Variants in ZNF142 observed in about 807,000 individuals in gnomAD.
The protein encoded by ZNF142 is zinc finger protein 142, also known as zinc finger protein 142 (clone pHZ-49).
A neutral mutation model predicts 132.1 loss-of-function variants in ZNF142; 96 were observed. The ratio of observed to expected loss-of-function variants is 0.73; its 90% CI spans 0.62 to 0.86. ZNF142 has a LOEUF of 0.86. Ranked by LOEUF, ZNF142 falls within the 40% of genes least tolerant of loss-of-function variation. The pLI, the probability that ZNF142 is intolerant of heterozygous loss-of-function variation, is 0.00. For synonymous variants in ZNF142, 842 were observed against 890.1 expected (o/e 0.95, Z 0.96); for missense variants, 2,163 against 2,336.2 (o/e 0.93, Z 1.53).
chr2:218,649,547 A>ATTTGCTC, intron 6 of ZNF142, 88 bp from the exon 7 acceptor site: 1 of 1,251,116 alleles, frequency 8.0e-7, no homozygotes, highest in Non-Finnish European at 1.1e-6. Context: ...CTCAGACACA[A>ATTTGCTC]ACGATGTGTG....
Position 218,638,326 on chromosome 2 carries a change from G to C in ZNF142, c.*13C>G. ...ACCATACCCTCTTCCTATACAGGAGGTGGGGCAGGCTTTCAGCCCTCAGGT... is the reference window on the plus strand; with the variant it reads ...ACCATACCCTCTTCCTATACAGGAGCTGGGGCAGGCTTTCAGCCCTCAGGT... On this transcript the variant is annotated 3_prime_UTR_variant, in exon 11 of 11. Transcript: ENST00000411696. The C allele has an allele frequency of 6.6e-7, 1 of 1,506,742 alleles. No homozygotes were observed. The highest frequency in any genetic ancestry group is 8.9e-7 in the Non-Finnish European group (1 of 1,128,030). 93.3% of individuals were successfully genotyped at this position (1,506,742 alleles called of 1,614,324 possible).
rs1396999467 is a variant in ZNF142, at chr2:218,634,878, TCA to T, written c.*3459_*3460del. 6.6e-6 allele frequency among the ~76,000 whole-genome samples: 1 copy of T among 152,198 alleles called. No homozygotes were observed. The highest frequency in any genetic ancestry group is 1.5e-5 in the Non-Finnish European group (1 of 68,028). On this transcript the variant is annotated 3_prime_UTR_variant, in exon 11 of 11. Coordinates refer to ENST00000411696, the MANE Select transcript of ZNF142 (RefSeq NM_001379659.1). This position sits in a 1 kb window ranked among gnomAD's most constrained non-coding sequence, Gnocchi z 4.0. The stretch of plus-strand genomic sequence containing the variant: ...AATAGGGGTAACACTACCACCTGCC[TCA>T]CAGGGTTATAAGGAGTATAACAGTT...
intron 3 of ZNF142, among the ~76,000 whole-genome samples, chr2:218,658,045 T>C (rs1390773386): frequency 2.6e-5 from 4 of 151,476 alleles, no homozygotes; most frequent in Admixed American, 2.0e-4. Context: ...CGTAACACAT[T>C]TGGAGAAATT....
At position 218,648,606 on chromosome 2, in the gene ZNF142, CATT is replaced by C. The variant is rs753943461; in HGVS notation, c.1873+26_1873+28del. On this transcript the variant is annotated intron_variant, in intron 7 of 10. Transcript: ENST00000411696. ...AGTATCACCACCATCATTATTACAA[CATT>C]ATTTTAAGGATGGAAACCATCCTAC... is the stretch of plus-strand genomic sequence containing the variant. 10 of 1,594,360 alleles carry C rather than the reference CATT, an allele frequency of 6.3e-6. No individual in the cohort carries two copies. The Admixed American group carries it at 6.8e-5, about 11-fold the overall frequency.
Position 218,638,770 on chromosome 2 carries a change from T to G in ZNF142, c.5233A>C (p.Thr1745Pro), listed in dbSNP as rs755179692. 1.2e-6 allele frequency: 2 copies of G among 1,608,382 alleles called. No individual in the cohort carries two copies. Among genetic ancestry groups the G allele is most frequent in the South Asian group, 2.2e-5 (2 of 91,030 alleles). ...ACACGCAGTGCATCAGCCCGGTTGG[T>G]GCAGTACTCACACTCGGGACACTGG... ...PYQCPECEYC[T>P]NRADALRVHQ... is the part of the protein sequence containing the mutation. Residue 1745 changes from threonine to proline, a missense_variant, in exon 11 of 11, where the codon ACC becomes CCC. Thr to Pro is a conservative substitution (Grantham distance 38). This residue lies in a region of ZNF142 where 325 missense variants were observed against 367.8 expected (regional missense o/e 0.88). Transcript: ENST00000411696.
Position 218,638,529 on chromosome 2 carries a change from A to T in ZNF142, c.5474T>A (p.Leu1825His). ...CTTTTGCTTGGCCTTGTAGTTGCAG[A>T]GGCGGCAAAAGAAGGGGTGGCGGTC... ...HTDRHPFFCR[L>H]CNYKAKQKFQ... Residue 1825 changes from leucine (L) to histidine (H), a missense_variant, in exon 11 of 11, where the codon CTC becomes CAC. Transcript: ENST00000411696. 9 of 1,610,034 alleles carry T rather than the reference A, an allele frequency of 5.6e-6. No homozygotes were observed. The highest frequency in any genetic ancestry group is 7.6e-6 in the Non-Finnish European group (9 of 1,177,068).
Position 218,634,189 on chromosome 2 carries a change from C to T in ZNF142, c.*4150G>A, listed in dbSNP as rs1400541028. The T allele has an allele frequency of 6.2e-7, 1 of 1,611,832 alleles. No individual in the cohort carries two copies. Among genetic ancestry groups the T allele is most frequent in the South Asian group, 1.1e-5 (1 of 90,508 alleles). ...AGGACAGACTCTTCCAACTACAACC[C>T]CCAGGAACTCTGGAATGCAGGCTGC... On this transcript the variant is annotated 3_prime_UTR_variant, in exon 11 of 11. Transcript: ENST00000411696. The surrounding 1 kb of genome is among the most constrained non-coding windows in gnomAD (Gnocchi z 4.0).
At position 218,648,676 on chromosome 2, in the gene ZNF142, G is replaced by A; in HGVS notation, c.1832C>T (p.Ala611Val). The A allele has an allele frequency of 2.5e-6, 4 of 1,614,218 alleles. No individual in the cohort carries two copies. The highest frequency in any genetic ancestry group is 3.4e-6 in the Non-Finnish European group (4 of 1,180,030). ...HQCPECNFAT[A>V]HKRVLIRHML... is the part of the protein sequence containing the mutation. Reference sequence around the variant, plus strand: ...GTGTCGGATGAGCACCCTCTTGTGGGCAGTGGCAAAGTTGCACTCAGGACA... The same window carrying A: ...GTGTCGGATGAGCACCCTCTTGTGGACAGTGGCAAAGTTGCACTCAGGACA... The change falls in exon 7 of 11, where the codon GCC becomes GTC. Residue 611 changes from alanine (A) to valine (V), a missense_variant. Around this residue, in one of 7 missense-constraint regions of ZNF142, gnomAD observed 749 missense variants for 830.3 expected, o/e 0.90. Coordinates refer to ENST00000411696, the MANE Select transcript of ZNF142 (RefSeq NM_001379659.1).
In ZNF142 at chr2:218,644,444, C is replaced by T. The variant is rs551014330; in HGVS notation, c.2672G>A (p.Gly891Asp). The change falls in exon 9 of 11, where the codon GGC becomes GAC. Residue 891 changes from glycine (G) to aspartate (D), a missense_variant. By Grantham distance (94) the Gly-to-Asp change is moderately conservative. Around this residue, in one of 7 missense-constraint regions of ZNF142, gnomAD observed 749 missense variants for 830.3 expected, o/e 0.90. Transcript: ENST00000411696. This position sits in a 1 kb window ranked among gnomAD's most constrained non-coding sequence, Gnocchi z 4.6. ...GGCCTCTAGGTGTAGTGTGCAGCTG[C>T]CCTCCTCCACCTCTGCTGGGCTGGG... ...GSPSPAEVEE[G>D]SCTLHLEALG... The T allele has an allele frequency of 3.7e-6, 6 of 1,614,024 alleles. No homozygotes were observed. The highest frequency in any genetic ancestry group is 1.3e-5 in the African/African-American group (1 of 75,026).
At chr2:218,646,126 C>A (rs1194130847) in intron 8 of ZNF142, 45 bp downstream of exon 8, 7 of 1,590,170 alleles carry the variant, frequency 4.4e-6, no homozygotes, top group Non-Finnish European at 6.0e-6. Flanking sequence ...GCTAGCTTGG[C>A]TAAGATTCTT....
intron 7 of ZNF142, among the ~76,000 whole-genome samples, chr2:218,647,123 T>C (rs1697799214): frequency 6.6e-6 from 1 of 151,634 alleles, no homozygotes; most frequent in South Asian, 2.1e-4. Flanking sequence ...GAGCACTTTG[T>C]AAAAAAATTC....
chr2:218,636,050 G>T lies in ZNF142; in HGVS notation c.*2289C>A. 6.7e-7 allele frequency: 1 copy of T among 1,500,808 alleles called. No homozygotes were observed. 93.0% of individuals were successfully genotyped at this position (1,500,808 alleles called of 1,614,324 possible). On this transcript the variant is annotated 3_prime_UTR_variant, in exon 11 of 11. Coordinates refer to ENST00000411696, the MANE Select transcript of ZNF142 (RefSeq NM_001379659.1). ...ATGTCCCCACATGGGAGGCAGTGTGGAACAGTACAAAGAATCCTGGCTCTT... is the reference window on the plus strand; with the variant it reads ...ATGTCCCCACATGGGAGGCAGTGTGTAACAGTACAAAGAATCCTGGCTCTT...
rs1697632248 is a variant in ZNF142, at chr2:218,645,196, T to C, written c.2052-132A>G. 6 of 1,145,572 alleles carry C rather than the reference T, an allele frequency of 5.2e-6. No homozygotes were observed. In the South Asian group the frequency reaches 6.2e-5, roughly 12 times the overall value. 71.0% of individuals were successfully genotyped at this position (1,145,572 alleles called of 1,614,324 possible). On this transcript the variant is annotated intron_variant, in intron 8 of 10. Transcript: ENST00000411696. ...ATGTGTCACCTGATGTAACCCTCCT[T>C]TTCACTACCCTATGAAACTGGTATC...
chr2:218,636,848 C>G lies in ZNF142; in HGVS notation c.*1491G>C. On this transcript the variant is annotated 3_prime_UTR_variant, in exon 11 of 11. Transcript: ENST00000411696. Reference sequence around the variant, plus strand: ...ACTCTATACTGGAGTTCCCTTCTTCCTCTTGCTGTAGGCTCAATCCCATAC... The same window carrying G: ...ACTCTATACTGGAGTTCCCTTCTTCGTCTTGCTGTAGGCTCAATCCCATAC... 1.9e-6 allele frequency: 1 copy of G among 532,972 alleles called. No homozygotes were observed. Among genetic ancestry groups the G allele is most frequent in the Admixed American group, 2.2e-5 (1 of 44,772 alleles). 33.0% of individuals were successfully genotyped at this position (532,972 alleles called of 1,614,324 possible).
In ZNF142 at chr2:218,635,895, A is replaced by G; in HGVS notation, c.*2444T>C. 3 of 1,613,972 alleles carry G rather than the reference A, an allele frequency of 1.9e-6. No homozygotes were observed. Among genetic ancestry groups the G allele is most frequent in the Non-Finnish European group, 2.5e-6 (3 of 1,179,890 alleles). ...GCAGATCTTTGGCGTTCGTCTAGAC[A>G]CAGCACGGCAGGAGACCAACTATGT... On this transcript the variant is annotated 3_prime_UTR_variant, in exon 11 of 11. Coordinates refer to ENST00000411696, the MANE Select transcript of ZNF142 (RefSeq NM_001379659.1).
In ZNF142 at chr2:218,643,261, C is replaced by T. The variant is rs1439133613; in HGVS notation, c.3855G>A (p.Glu1285=). Residue 1285 remains glutamate (E), a synonymous_variant, in exon 9 of 11, where the codon GAG becomes GAA. Transcript: ENST00000411696. Reference sequence around the variant, plus strand: ...CTGTATCCCCATCACCAGAGCTGGACTCTGTACTCCCATTCTTCGGGGGAG... The same window carrying T: ...CTGTATCCCCATCACCAGAGCTGGATTCTGTACTCCCATTCTTCGGGGGAG... ...DSAPPKNGST[E]SSSGDGDTVL... is the part of the protein sequence containing the mutation. 1.2e-6 allele frequency: 2 copies of T among 1,614,226 alleles called. No homozygotes were observed. The highest frequency in any genetic ancestry group is 1.3e-5 in the African/African-American group (1 of 75,064).
chr2:218,644,438 C>T lies in ZNF142; in HGVS notation c.2678G>A (p.Cys893Tyr). 1 of 1,614,064 alleles carries T rather than the reference C, an allele frequency of 6.2e-7. No homozygotes were observed. The highest frequency in any genetic ancestry group is 8.5e-7 in the Non-Finnish European group (1 of 1,180,010). Residue 893 changes from cysteine (C) to tyrosine (Y), a missense_variant, in exon 9 of 11, where the codon TGC becomes TAC. Cys to Tyr is a radical substitution (Grantham distance 194). Transcript: ENST00000411696. The surrounding 1 kb of genome is among the most constrained non-coding windows in gnomAD (Gnocchi z 4.6). Reference protein sequence around the residue: ...PSPAEVEEGSCTLHLEALGVE... With the variant: ...PSPAEVEEGSYTLHLEALGVE... Reference sequence around the variant, plus strand: ...TCCCAGGGCCTCTAGGTGTAGTGTGCAGCTGCCCTCCTCCACCTCTGCTGG... The same window carrying T: ...TCCCAGGGCCTCTAGGTGTAGTGTGTAGCTGCCCTCCTCCACCTCTGCTGG...
Position 218,635,259 on chromosome 2 carries a change from G to A in ZNF142, c.*3080C>T, listed in dbSNP as rs1183185017. On this transcript the variant is annotated 3_prime_UTR_variant, in exon 11 of 11. Coordinates refer to ENST00000411696, the MANE Select transcript of ZNF142 (RefSeq NM_001379659.1). Reference sequence around the variant, plus strand: ...TTCCAGCTTGGTCAAGAGTATGATCGTGTCTCTTTGAAAAAAAAAAAGTGG... The same window carrying A: ...TTCCAGCTTGGTCAAGAGTATGATCATGTCTCTTTGAAAAAAAAAAAGTGG... Among the ~76,000 whole-genome samples the A allele has an allele frequency of 2.0e-5, 3 of 151,374 alleles. No individual in the cohort carries two copies. The highest frequency in any genetic ancestry group is 4.9e-5 in the African/African-American group (2 of 41,168).
chr2:218,640,949 T>A (rs1287950592), intron 9 of ZNF142, among the ~76,000 whole-genome samples, 180 bp from the exon 10 acceptor site: 6 of 148,012 alleles, frequency 4.1e-5, no homozygotes, highest in African/African-American at 7.6e-5. Context: ...TTTTTTTTTT[T>A]AAAGAGACAG....
Sources: gnomAD v4.1 joint callset for allele counts (sites outside exome capture counted in the v4.1 genomes callset) on GRCh38, gnomAD v4.1.1 for gene constraint, gnomAD v4.1.1 regional missense constraint, Gnocchi (gnomAD v3.1) non-coding constraint, MANE v1.5 for transcripts, NCBI Gene and HGNC (gene_info 2026-07-23, HGNC 2026-07-21) for gene names.